Variants in TMEM132B observed in about 807,000 individuals in gnomAD.
TMEM132B encodes transmembrane protein 132B.
In TMEM132B, 18 loss-of-function variants were observed where a neutral mutation model predicts 90.8. The ratio of observed to expected loss-of-function variants is 0.20; its 90% CI spans 0.14 to 0.29. TMEM132B has a LOEUF of 0.29. Among genes scored for constraint, TMEM132B ranks in the 10% least tolerant of loss-of-function variants. The probability of loss-of-function intolerance (pLI) is 1.00; values close to 1 mark genes in which losing one functional copy is unlikely to be tolerated. For missense variants in TMEM132B, 1,096 were observed against 1,326.8 expected (o/e 0.83, Z 2.70); for synonymous variants, 504 against 523.3 (o/e 0.96, Z 0.50).
chr12:125,449,857 G>A (rs1035786207), intron 3 of TMEM132B, among the ~76,000 whole-genome samples: 1 of 152,146 alleles, frequency 6.6e-6, no homozygotes, highest in East Asian at 1.9e-4. Flanking sequence ...AATTTTAGAA[G>A]TTTTCAAGAG....
chr12:125,494,277 C>T (rs1397353294), intron 3 of TMEM132B, among the ~76,000 whole-genome samples: 25 of 112,234 alleles, frequency 2.2e-4, no homozygotes, highest in East Asian at 9.9e-4. Context: ...GAAATGGCTG[C>T]ATCCCTCCTC....
chr12:125,200,857 T>G (rs1366469598), intron 1 of TMEM132B, among the ~76,000 whole-genome samples: 2 of 152,210 alleles, frequency 1.3e-5, no homozygotes, highest in Non-Finnish European at 2.9e-5. Flanking sequence ...TTTCTGTGCC[T>G]GGTGGTTCTG....
chr12:125,407,699 T>C lies in TMEM132B; in HGVS notation c.960-7832T>C, dbSNP rs1228475574. 2.0e-5 allele frequency among the ~76,000 whole-genome samples: 3 copies of C among 152,160 alleles called. No homozygotes were observed. Among genetic ancestry groups the C allele is most frequent in the Non-Finnish European group, 4.4e-5 (3 of 68,032 alleles). ...AAGGCCAAAGCTCAGGTCACTCTTG[T>C]CGCTCAGAACCAAAGGGACCGCGGA... On this transcript the variant is annotated intron_variant, in intron 2 of 8. Coordinates refer to ENST00000682704, the MANE Select transcript of TMEM132B (RefSeq NM_001366854.1). The surrounding 1 kb of genome is among the most constrained non-coding windows in gnomAD (Gnocchi z 6.7).
intron 4 of TMEM132B, among the ~76,000 whole-genome samples, chr12:125,527,108 A>C: frequency 1.7e-5 from 2 of 120,342 alleles, no homozygotes; most frequent in Admixed American, 8.6e-5. Flanking sequence ...CCTTCCATCC[A>C]CCCATCCACA....
chr12:125,384,804 C>T (rs1360763527), intron 2 of TMEM132B, among the ~76,000 whole-genome samples: 2 of 152,176 alleles, frequency 1.3e-5, no homozygotes, highest in Non-Finnish European at 2.9e-5. Context: ...GAGCGTGCTA[C>T]CATGTCCGGC....
intron 1 of TMEM132B, among the ~76,000 whole-genome samples, chr12:125,235,929 G>A (rs1873925984): frequency 6.9e-6 from 1 of 145,474 alleles, no homozygotes; most frequent in Non-Finnish European, 1.5e-5. Context: ...TCAGCCTCCC[G>A]AGTAGCTGGG....
chr12:125,646,127 G>C (rs1325610263), intron 6 of TMEM132B, among the ~76,000 whole-genome samples: 1 of 152,208 alleles, frequency 6.6e-6, no homozygotes, highest in Non-Finnish European at 1.5e-5. Flanking sequence ...TTCAGGGGGA[G>C]GTGAGGAGCA....
chr12:125,326,972 A>G (rs55894119), intron 1 of TMEM132B, among the ~76,000 whole-genome samples: 30,659 of 151,702 alleles, frequency 0.2, 3,391 homozygotes, highest in East Asian at 0.44. Flanking sequence ...TTCTCTAACA[A>G]CACAGGCACC....
chr12:125,325,668 CCT>C (rs1491456682), intron 1 of TMEM132B, among the ~76,000 whole-genome samples: 1,876 of 139,420 alleles, frequency 0.013, 27 homozygotes, highest in East Asian at 0.021. Flanking sequence ...TGCCTCCCAC[CCT>C]GTGTGTGTGT....
At chr12:125,227,937 A>G (rs1873718649) in intron 1 of TMEM132B, among the ~76,000 whole-genome samples, 1 of 152,204 alleles carries the variant, frequency 6.6e-6, no homozygotes, top group South Asian at 2.1e-4. Context: ...AGTTGCCTGC[A>G]GTGTTCTGTG....
chr12:125,461,806 C>T (rs1881442919), intron 3 of TMEM132B, among the ~76,000 whole-genome samples: 1 of 152,238 alleles, frequency 6.6e-6, no homozygotes, highest in Admixed American at 6.5e-5. Context: ...TGCCAGGCCA[C>T]CCTTGCCTTC....
At chr12:125,317,819 A>T (rs1374015561) in intron 1 of TMEM132B, among the ~76,000 whole-genome samples, 1 of 152,026 alleles carries the variant, frequency 6.6e-6, no homozygotes, top group African/African-American at 2.4e-5. Flanking sequence ...CTTTCTCTGT[A>T]AGGGTGTTTT....
intron 2 of TMEM132B, among the ~76,000 whole-genome samples, chr12:125,377,748 A>G (rs2136280879): frequency 6.6e-6 from 1 of 152,268 alleles, no homozygotes; most frequent in Middle Eastern, 3.4e-3. Flanking sequence ...GGGAAGTGGA[A>G]TGAACTGTTT....
rs1231405364 is a variant in TMEM132B at position 125,408,070 on chromosome 12, T to G, written c.960-7461T>G. The stretch of plus-strand genomic sequence containing the variant: ...CCACAGGGCGGCCACTGTGCAGGCT[T>G]TCACCTCGGAGATCTGTGTGCCTGC... On this transcript the variant is annotated intron_variant, in intron 2 of 8. Transcript: ENST00000682704. This position sits in a 1 kb window ranked among gnomAD's most constrained non-coding sequence, Gnocchi z 5.9. Among the ~76,000 whole-genome samples the G allele has an allele frequency of 2.0e-5, 3 of 152,152 alleles. No homozygotes were observed. Among genetic ancestry groups the G allele is most frequent in the African/African-American group, 4.8e-5 (2 of 41,444 alleles).
At chr12:125,199,788 C>G (rs1404305087) in intron 1 of TMEM132B, among the ~76,000 whole-genome samples, 1 of 152,056 alleles carries the variant, frequency 6.6e-6, no homozygotes, top group Non-Finnish European at 1.5e-5. Flanking sequence ...ATCTCCATCC[C>G]AGGCACCAGG....
chr12:125,632,299 C>G (rs1886384264), intron 5 of TMEM132B, among the ~76,000 whole-genome samples: 1 of 151,972 alleles, frequency 6.6e-6, no homozygotes, highest in South Asian at 2.1e-4. Context: ...CATCATCCCC[C>G]CACTTTTAAA....
intron 1 of TMEM132B, among the ~76,000 whole-genome samples, chr12:125,222,697 A>T (rs924769767): frequency 6.6e-6 from 1 of 152,224 alleles, no homozygotes; most frequent in Non-Finnish European, 1.5e-5. Flanking sequence ...TGAGCTGGAT[A>T]ATCTTTGATT....
rs1885686304 is a variant in TMEM132B, at chr12:125,605,983, T to G, written c.1437+21989T>G. 1.3e-5 allele frequency among the ~76,000 whole-genome samples: 2 copies of G among 152,188 alleles called. 1 individual carries two copies. Among genetic ancestry groups the G allele is most frequent in the African/African-American group, 4.8e-5 (2 of 41,434 alleles). On this transcript the variant is annotated intron_variant, in intron 5 of 8. Transcript: ENST00000682704. ...AGAGGGTAAAAATGATGGCAGTATT[T>G]TGGTGGAAATGGATAACGTGTGACA...
At chr12:125,324,834 C>T (rs572201236) in intron 1 of TMEM132B, among the ~76,000 whole-genome samples, 2 of 152,296 alleles carry the variant, frequency 1.3e-5, no homozygotes, top group South Asian at 4.1e-4. Flanking sequence ...CCTTAGCTAT[C>T]TTAGCTAGAC....
Sources: allele counts gnomAD v4.1 joint callset (sites outside exome capture counted in the v4.1 genomes callset), GRCh38; gene constraint gnomAD v4.1.1; non-coding constraint Gnocchi (gnomAD v3.1); transcripts MANE v1.5; gene names NCBI Gene and HGNC (gene_info 2026-07-23, HGNC 2026-07-21).